Variants in RASGRF2 observed in about 807,000 individuals in gnomAD.
RASGRF2 encodes the protein ras-specific guanine nucleotide-releasing factor 2.
In RASGRF2, 76 loss-of-function variants were observed where a neutral mutation model predicts 151.0. That is an observed-to-expected ratio of 0.50 (90% CI 0.42 to 0.61). The LOEUF (loss-of-function observed/expected upper bound fraction) is 0.61. Ranked by LOEUF, RASGRF2 falls within the 20% of genes least tolerant of loss-of-function variation. The pLI is 0.00. For synonymous variants in RASGRF2, 504 were observed against 566.5 expected, an observed-to-expected ratio of 0.89 and a Z score of 1.57; for missense variants, 1,148 against 1,564.6, an observed-to-expected ratio of 0.73 and a Z score of 4.49.
intron 2 of RASGRF2, among the ~76,000 whole-genome samples, chr5:81,056,076 C>T (rs1297052950): frequency 6.6e-6 from 1 of 152,020 alleles, no homozygotes; most frequent in Non-Finnish European, 1.5e-5. Context: ...TTCAAAAAAC[C>T]AGCTCCTGGA....
At chr5:81,182,367 A>T (rs1457028333) in intron 18 of RASGRF2, among the ~76,000 whole-genome samples, 1 of 152,182 alleles carries the variant, frequency 6.6e-6, no homozygotes, top group Non-Finnish European at 1.5e-5. Context: ...ATGGCTGGTT[A>T]TCAATGCCCT....
rs1230564386 is a variant in RASGRF2 at position 80,960,910 on chromosome 5, C to G, written c.172C>G (p.Gln58Glu). The G allele has an allele frequency of 6.2e-7, 1 of 1,606,096 alleles. No individual in the cohort carries two copies. ...QNVLFYFEGE[Q>E]SCRPAGMYLL... ...TGTGCTCTTCTACTTCGAGGGCGAG[C>G]AGAGCTGCCGCCCGGCGGGCATGTA... Residue 58 changes from glutamine to glutamate, a missense_variant, in exon 1 of 27, where the codon CAG (glutamine) becomes GAG (glutamate). Physicochemically the swap from Gln to Glu is conservative, Grantham distance 29 (BLOSUM62 2). This residue lies in a region of RASGRF2 where 221 missense variants were observed against 271.3 expected (regional missense o/e 0.81). Transcript: ENST00000265080. The surrounding 1 kb of genome is among the most constrained non-coding windows in gnomAD (Gnocchi z 5.5).
intron 1 of RASGRF2, among the ~76,000 whole-genome samples, chr5:81,015,407 T>TAATA (rs1002188397): frequency 1.3e-5 from 2 of 151,998 alleles, no homozygotes; most frequent in Non-Finnish European, 2.9e-5. Context: ...AAAAAACCAA[T>TAATA]AATAAATAAA....
intron 17 of RASGRF2, among the ~76,000 whole-genome samples, chr5:81,128,619 G>T (rs1291338948): frequency 1.3e-5 from 2 of 152,088 alleles, no homozygotes; most frequent in African/African-American, 4.8e-5. Context: ...TGGGAGGGAG[G>T]GCTTGTGGAG....
intron 15 of RASGRF2, among the ~76,000 whole-genome samples, chr5:81,120,556 C>G (rs1172493775): frequency 2.0e-5 from 3 of 152,162 alleles, no homozygotes; most frequent in Non-Finnish European, 1.5e-5. Context: ...GCATTCCAGC[C>G]TGGGTCACAG....
intron 1 of RASGRF2, among the ~76,000 whole-genome samples, chr5:81,005,152 T>C (rs186295123): frequency 6.6e-6 from 1 of 152,284 alleles, no homozygotes; most frequent in African/African-American, 2.4e-5. Flanking sequence ...TTAACATTAG[T>C]GTATTATTCT....
intron 1 of RASGRF2, among the ~76,000 whole-genome samples, chr5:80,981,853 A>G (rs916194071): frequency 4.6e-5 from 7 of 152,212 alleles, no homozygotes; most frequent in Admixed American, 3.9e-4. Context: ...TGTCCCAGAC[A>G]TTTCCTTTCT....
chr5:81,180,123 C>T, intron 17 of RASGRF2, 52 bp from the exon 18 acceptor site: 1 of 1,031,634 alleles, frequency 9.7e-7, no homozygotes, highest in Non-Finnish European at 1.5e-6. Context: ...TTTTCCAGGT[C>T]CCTAGGGAGT....
At chr5:81,147,973 C>A (rs182646280) in intron 17 of RASGRF2, among the ~76,000 whole-genome samples, 2 of 152,184 alleles carry the variant, frequency 1.3e-5, no homozygotes, top group African/African-American at 4.8e-5. Context: ...TAAGTGCATA[C>A]GGTCTCAGCA....
chr5:80,989,656 T>C (rs1358661001), intron 1 of RASGRF2, among the ~76,000 whole-genome samples: 2 of 152,152 alleles, frequency 1.3e-5, no homozygotes, highest in East Asian at 1.9e-4. Context: ...ATCTGGAAGA[T>C]GGAGATGGAC....
intron 1 of RASGRF2, among the ~76,000 whole-genome samples, chr5:81,009,516 A>C (rs2112310835): frequency 6.6e-6 from 1 of 152,330 alleles, no homozygotes; most frequent in South Asian, 2.1e-4. Flanking sequence ...AAATATCCCT[A>C]AAGCAAGTCT....
rs199755685 is a variant in RASGRF2, at chr5:81,099,901, TTTTTTC to T, written c.1755+4915_1755+4920del. Among the ~76,000 whole-genome samples, 96 of 131,918 alleles carry T rather than the reference TTTTTTC, an allele frequency of 7.3e-4. No individual in the cohort carries two copies. The East Asian group carries it at 0.011, about 15-fold the overall frequency. 86.5% of individuals were successfully genotyped at this position (131,918 alleles called of 152,430 possible). ...GTTTTAATTTTTGTCACTATTTTTC[TTTTTTC>T]TTTTTTTTTTTTTTTTTTGAGACAG... On this transcript the variant is annotated intron_variant, in intron 12 of 26. Transcript: ENST00000265080.
chr5:81,191,157 C>T (rs1755146976), intron 18 of RASGRF2, among the ~76,000 whole-genome samples: 1 of 152,198 alleles, frequency 6.6e-6, no homozygotes, highest in Non-Finnish European at 1.5e-5. Flanking sequence ...CACTTCAGAG[C>T]TGCCTCAGAA....
chr5:81,007,386 T>C (rs1352870282), intron 1 of RASGRF2, among the ~76,000 whole-genome samples: 1 of 152,182 alleles, frequency 6.6e-6, no homozygotes. Flanking sequence ...GAGAGACCAC[T>C]CTGTGCAGTG....
intron 17 of RASGRF2, among the ~76,000 whole-genome samples, chr5:81,142,643 G>A (rs546254599): frequency 6.6e-6 from 1 of 152,130 alleles, no homozygotes; most frequent in African/African-American, 2.4e-5. Flanking sequence ...TCACCTTTTG[G>A]AATTCTGCTC....
intron 15 of RASGRF2, 32 bp downstream of exon 15, chr5:81,113,952 C>T (rs1753079067): frequency 6.3e-7 from 1 of 1,581,492 alleles, no homozygotes; most frequent in Non-Finnish European, 8.6e-7. Flanking sequence ...TAATTACACC[C>T]CACATTTGCT....
At chr5:81,132,677 A>G (rs1753653505) in intron 17 of RASGRF2, among the ~76,000 whole-genome samples, 1 of 152,170 alleles carries the variant, frequency 6.6e-6, no homozygotes, top group Non-Finnish European at 1.5e-5. Context: ...GCAAGCACTA[A>G]CTAAACTGTT....
At position 81,227,914 on chromosome 5, in the gene RASGRF2, G is replaced by A. The variant is rs1027532203; in HGVS notation, c.*2144G>A. The A allele has an allele frequency of 1.3e-5, 2 of 152,140 alleles. No individual in the cohort carries two copies. The highest frequency in any genetic ancestry group is 4.8e-5 in the African/African-American group (2 of 41,410). 9.4% of individuals were successfully genotyped at this position (152,140 alleles called of 1,614,324 possible). ...ACCCAAATGTTCCAGAGACACTGCA[G>A]CCATTCTTATTAACAAAAAATAAGA... is the stretch of plus-strand genomic sequence containing the variant. On this transcript the variant is annotated 3_prime_UTR_variant, in exon 27 of 27. Transcript: ENST00000265080.
At chr5:81,063,783 A>G (rs1325483608) in intron 2 of RASGRF2, among the ~76,000 whole-genome samples, 1 of 152,094 alleles carries the variant, frequency 6.6e-6, no homozygotes, top group Non-Finnish European at 1.5e-5. Context: ...ATAAAATTTT[A>G]GTAATTATCT....
Sources: gnomAD v4.1 joint callset for allele counts (sites outside exome capture counted in the v4.1 genomes callset) on GRCh38, gnomAD v4.1.1 for gene constraint, gnomAD v4.1.1 regional missense constraint, Gnocchi (gnomAD v3.1) non-coding constraint, MANE v1.5 for transcripts, NCBI Gene and HGNC (gene_info 2026-07-23, HGNC 2026-07-21) for gene names.